NLGN4X: variants seen among roughly 807,000 people sequenced by gnomAD.
NLGN4X encodes neuroligin 4 X-linked, also known as neuroligin-4, X-linked.
NLGN4X carries 3 observed loss-of-function variants against 40.3 expected under a neutral mutation model. The observed-to-expected ratio is 0.07, with a 90% CI of 0.03 to 0.19. NLGN4X has a LOEUF of 0.19. NLGN4X is among the 10% of genes least tolerant of loss of function. NLGN4X has a pLI of 1.00. For missense variants in NLGN4X, 382 were observed against 708.3 expected, an observed-to-expected ratio of 0.54 and a Z score of 5.23; for synonymous variants, 270 against 306.8, an observed-to-expected ratio of 0.88 and a Z score of 1.25.
At chrX:6,078,112 G>A (rs1273662860) in intron 2 of NLGN4X, among the ~76,000 whole-genome samples, 1 of 111,432 alleles carries the variant, frequency 9.0e-6, no homozygotes, top group Non-Finnish European at 1.9e-5. Context: ...GACATGCCCT[G>A]GCCACTCCAT....
intron 1 of NLGN4X, among the ~76,000 whole-genome samples, chrX:6,163,648 T>C (rs1009600722): frequency 9.0e-6 from 1 of 111,721 alleles, no homozygotes; most frequent in African/African-American, 3.3e-5. Context: ...ATTTTAGACA[T>C]GTAGAGAGAG....
At chrX:6,117,526 G>A (rs2039330180) in intron 2 of NLGN4X, among the ~76,000 whole-genome samples, 1 of 111,339 alleles carries the variant, frequency 9.0e-6, no homozygotes, top group African/African-American at 3.3e-5. Context: ...AGAAAAACTT[G>A]CCCCCACCTC....
chrX:6,119,487 G>A (rs1483609647), intron 2 of NLGN4X, among the ~76,000 whole-genome samples: 3 of 111,654 alleles, frequency 2.7e-5, no homozygotes, highest in Non-Finnish European at 5.6e-5. Context: ...AGATTCTGAG[G>A]AAAAGAAAGT....
intron 3 of NLGN4X, among the ~76,000 whole-genome samples, chrX:5,989,377 T>G (rs1038147815): frequency 7.1e-5 from 8 of 112,287 alleles, no homozygotes; most frequent in African/African-American, 2.6e-4. Flanking sequence ...CTGAAGTGAC[T>G]AATTTGAATA....
intron 2 of NLGN4X, among the ~76,000 whole-genome samples, chrX:6,042,730 T>TATATATATACACACACACAC (rs1215396694): frequency 5.0e-5 from 1 of 20,149 alleles, no homozygotes; most frequent in African/African-American, 1.6e-4. Context: ...TATATATATA[T>TATATATATACACACACACAC]ACACACACAC....
At chrX:6,027,822 A>AT (rs35042993) in intron 3 of NLGN4X, among the ~76,000 whole-genome samples, 1,821 of 99,308 alleles carry the variant, frequency 0.018, 16 homozygotes, top group South Asian at 0.039. Context: ...TATTATTATT[A>AT]TTTTTTTTTT....
intron 3 of NLGN4X, among the ~76,000 whole-genome samples, chrX:5,979,787 T>TATATACACACATATAC (rs2035323768): frequency 9.5e-6 from 1 of 105,451 alleles, no homozygotes; most frequent in African/African-American, 3.6e-5. Flanking sequence ...TATATATGTG[T>TATATACACACATATAC]ATATATACAC....
At chrX:6,215,760 T>C (rs1426217866) in intron 1 of NLGN4X, among the ~76,000 whole-genome samples, 3 of 111,550 alleles carry the variant, frequency 2.7e-5, no homozygotes, top group African/African-American at 9.8e-5. Context: ...TATTTTTACC[T>C]TTCCAAATTG....
At chrX:5,895,228 C>A (rs764061619) in intron 5 of NLGN4X, among the ~76,000 whole-genome samples, 3 of 112,152 alleles carry the variant, frequency 2.7e-5, no homozygotes, top group Non-Finnish European at 5.6e-5. Flanking sequence ...GCTGTGAAAT[C>A]TTAAGCAAGT....
In NLGN4X at chrX:5,980,475, C is replaced by CT. The variant is rs1266350117; in HGVS notation, c.625+48804dup. Among the ~76,000 whole-genome samples, 863 of 91,493 alleles carry CT rather than the reference C, an allele frequency of 9.4e-3. 9 individuals are homozygous for CT. The highest frequency in any genetic ancestry group is 0.031 in the African/African-American group (777 of 25,197). The allele number at this position is 91,493 out of a possible 115,157, so 79.5% of individuals were successfully genotyped here. A position where few individuals can be genotyped will look rare whatever the true frequency, so the allele number is the denominator to read the frequency against. ...CAAAATCTAAAGTCACAAAATTTTT[C>CT]TTTTTTTTTTTTTTCTCCTGGAAGT... On this transcript the variant is annotated intron_variant, in intron 3 of 5. Transcript: ENST00000381095.
At chrX:6,225,002 A>ATATATATATATAT (rs1178442835) in intron 1 of NLGN4X, among the ~76,000 whole-genome samples, 1 of 55,821 alleles carries the variant, frequency 1.8e-5, no homozygotes, top group African/African-American at 6.9e-5. Context: ...ATATATATAT[A>ATATATATATATAT]TATATATATA....
chrX:6,028,115 C>T (rs1569194670), intron 3 of NLGN4X, among the ~76,000 whole-genome samples: 2 of 111,542 alleles, frequency 1.8e-5, no homozygotes, highest in Non-Finnish European at 3.8e-5. Context: ...CCACACCTGG[C>T]CTTCATTTTG....
intron 2 of NLGN4X, among the ~76,000 whole-genome samples, chrX:6,047,677 AAAAC>A (rs1171602603): frequency 8.9e-6 from 1 of 112,120 alleles, no homozygotes; most frequent in Non-Finnish European, 1.9e-5. Context: ...GAAATAAAGA[AAAAC>A]AAACAAAATG....
chrX:5,989,452 G>A (rs771615465), intron 3 of NLGN4X, among the ~76,000 whole-genome samples: 7 of 112,059 alleles, frequency 6.2e-5, no homozygotes, highest in South Asian at 3.7e-4. Flanking sequence ...GCCTAATTAC[G>A]TAACAGTCAG....
chrX:5,996,468 G>T (rs184942268), intron 3 of NLGN4X, among the ~76,000 whole-genome samples: 15 of 111,096 alleles, frequency 1.4e-4, no homozygotes, highest in African/African-American at 5.0e-4. Context: ...GGAGGCTGTG[G>T]GATAATGAAC....
chrX:6,191,145 G>A (rs1217086902), intron 1 of NLGN4X, among the ~76,000 whole-genome samples: 1 of 109,714 alleles, frequency 9.1e-6, no homozygotes, highest in African/African-American at 3.3e-5. Context: ...CGAAAGCACT[G>A]CTAGACTTGG....
intron 3 of NLGN4X, among the ~76,000 whole-genome samples, chrX:6,024,014 T>C (rs908410445): frequency 5.4e-5 from 6 of 110,779 alleles, no homozygotes; most frequent in South Asian, 3.9e-4. Context: ...AAAAAACAGA[T>C]TGGGGAGAAC....
At chrX:6,184,718 C>CTTTT (rs1038656086) in intron 1 of NLGN4X, among the ~76,000 whole-genome samples, 2 of 111,934 alleles carry the variant, frequency 1.8e-5, no homozygotes, top group Non-Finnish European at 3.8e-5. Context: ...CTTCGTTTAC[C>CTTTT]AAAACATGAC....
At chrX:6,092,166 A>C (rs966251345) in intron 2 of NLGN4X, among the ~76,000 whole-genome samples, 1 of 111,689 alleles carries the variant, frequency 9.0e-6, no homozygotes, top group South Asian at 3.7e-4. Flanking sequence ...TTGCTAGTGA[A>C]CTTCTGGGCA....
Sources: allele counts gnomAD v4.1 joint callset (sites outside exome capture counted in the v4.1 genomes callset), GRCh38; gene constraint gnomAD v4.1.1; transcripts MANE v1.5; gene names NCBI Gene and HGNC (gene_info 2026-07-23, HGNC 2026-07-21).